The following DOCK1 variants were observed in gnomAD, a reference collection of about 807,000 sequenced individuals.
DOCK1 encodes the protein dedicator of cytokinesis protein 1.
DOCK1 carries 138 observed loss-of-function variants against 262.7 expected under a neutral mutation model. The ratio of observed to expected loss-of-function variants is 0.53; its 90% CI spans 0.46 to 0.61. The LOEUF (loss-of-function observed/expected upper bound fraction) is 0.61, where lower values mean the gene tolerates loss of function less well. DOCK1 is among the 20% of genes least tolerant of loss of function. The pLI is 0.00. For missense variants in DOCK1, 1,908 were observed against 2,370.7 expected (o/e 0.80, Z 4.05); for synonymous variants, 866 against 867.4 (o/e 1.00, Z 0.03).
chr10:127,069,678 C>G (rs987432641), intron 23 of DOCK1, among the ~76,000 whole-genome samples: 1 of 152,022 alleles, frequency 6.6e-6, no homozygotes, highest in Non-Finnish European at 1.5e-5. Context: ...TGGAGACAGA[C>G]TTGTTGAATT....
intron 47 of DOCK1, among the ~76,000 whole-genome samples, chr10:127,426,484 A>G (rs1016043535): frequency 6.6e-6 from 1 of 152,214 alleles, no homozygotes; most frequent in African/African-American, 2.4e-5. Flanking sequence ...GAAGTGACCA[A>G]CATCTGGAGT....
Position 127,086,238 on chromosome 10 carries a change from C to G in DOCK1, c.2446-19993C>G, listed in dbSNP as rs192886595. 5.9e-3 allele frequency among the ~76,000 whole-genome samples: 899 copies of G among 151,720 alleles called. 6 individuals are homozygous for G. The highest frequency in any genetic ancestry group is 8.7e-3 in the Non-Finnish European group (594 of 67,918). ...CTGGAAACCCCACCTCCCATCCCCC[C>G]ACCCCCGGTGCAGGAAGGGAACTTA... On this transcript the variant is annotated intron_variant, in intron 23 of 51. Coordinates refer to ENST00000623213, the MANE Select transcript of DOCK1 (RefSeq NM_001290223.2).
chr10:127,302,484 A>T (rs2061715298), intron 29 of DOCK1, among the ~76,000 whole-genome samples: 1 of 152,164 alleles, frequency 6.6e-6, no homozygotes, highest in African/African-American at 2.4e-5. Context: ...GTTGCTTTCC[A>T]TAGGTAAAGG....
intron 27 of DOCK1, among the ~76,000 whole-genome samples, chr10:127,154,762 A>G (rs537245774): frequency 6.6e-6 from 1 of 152,242 alleles, no homozygotes; most frequent in Admixed American, 6.5e-5. Flanking sequence ...TCTCCCCCCT[A>G]ATTAAAAAAT....
Position 127,000,325 on chromosome 10 carries a change from G to T in DOCK1, c.985+18G>T, listed in dbSNP as rs761976102. 4 of 1,611,404 alleles carry T rather than the reference G, an allele frequency of 2.5e-6. No individual in the cohort carries two copies. Among genetic ancestry groups the T allele is most frequent in the Non-Finnish European group, 3.4e-6 (4 of 1,178,466 alleles). On this transcript the variant is annotated intron_variant, in intron 10 of 51. Transcript: ENST00000623213. ...AGTGGCTGGTAATCTATTTCTCTGT[G>T]TTTCCTTGAGAGTTTCAGATCTTCA...
At chr10:127,268,634 G>T (rs1328446369) in intron 29 of DOCK1, among the ~76,000 whole-genome samples, 2 of 151,884 alleles carry the variant, frequency 1.3e-5, no homozygotes, top group East Asian at 1.9e-4. Flanking sequence ...CCAAACCAGC[G>T]CCCTCTAGAA....
intron 1 of DOCK1, among the ~76,000 whole-genome samples, chr10:126,948,659 G>A (rs1161749947): frequency 6.6e-6 from 1 of 151,960 alleles, no homozygotes; most frequent in East Asian, 1.9e-4. Flanking sequence ...CAGGTATGCT[G>A]AGCCAGAGGC....
In DOCK1 at chr10:127,343,117, C is replaced by T. The variant is rs183155998; in HGVS notation, c.3124-529C>T. 4.4e-3 allele frequency among the ~76,000 whole-genome samples: 676 copies of T among 152,224 alleles called. 1 individual carries two copies. Among genetic ancestry groups the T allele is most frequent in the South Asian group, 0.011 (53 of 4,814 alleles). On this transcript the variant is annotated intron_variant, in intron 30 of 51. Transcript: ENST00000623213. ...AAAATTATCCAGGCATGGTGGTGCA[C>T]ACCTGTAGTCCCAGCTACTCAGGAG...
chr10:127,214,411 G>A (rs1451322782), intron 27 of DOCK1, among the ~76,000 whole-genome samples: 1 of 152,126 alleles, frequency 6.6e-6, no homozygotes, highest in East Asian at 1.9e-4. Flanking sequence ...GCTTCCTTTT[G>A]CCGTTTATAG....
At chr10:127,173,696 T>C (rs1205152937) in intron 27 of DOCK1, among the ~76,000 whole-genome samples, 1 of 152,176 alleles carries the variant, frequency 6.6e-6, no homozygotes, top group African/African-American at 2.4e-5. Flanking sequence ...CTTTTAATTT[T>C]TTTGCAGGAA....
chr10:126,955,786 A>G (rs2036686125), intron 1 of DOCK1, among the ~76,000 whole-genome samples: 1 of 151,982 alleles, frequency 6.6e-6, no homozygotes. Flanking sequence ...TCAGTGGCTC[A>G]CTCTGTGAAG....
intron 1 of DOCK1, among the ~76,000 whole-genome samples, chr10:126,922,501 C>T (rs2033304079): frequency 6.6e-6 from 1 of 152,074 alleles, no homozygotes; most frequent in Admixed American, 6.6e-5. Context: ...GTCTCGGGAA[C>T]TCACTGAGTA....
rs531616927 is a variant in DOCK1 at position 127,175,494 on chromosome 10, G to A, written c.2847+47730G>A. On this transcript the variant is annotated intron_variant, in intron 27 of 51. Transcript: ENST00000623213. The surrounding 1 kb of genome is among the most constrained non-coding windows in gnomAD (Gnocchi z 6.3). ...GGGTGAGCAGGCCAGGGCAGTTTCCGAGGGCGCCTGGAGCCCGTTGAGATG... is the reference window on the plus strand; with the variant it reads ...GGGTGAGCAGGCCAGGGCAGTTTCCAAGGGCGCCTGGAGCCCGTTGAGATG... 77 of 1,608,734 alleles carry A rather than the reference G, an allele frequency of 4.8e-5. 1 individual carries two copies. In the African/African-American group the frequency reaches 6.9e-4, roughly 14 times the overall value.
At position 127,058,528 on chromosome 10, in the gene DOCK1, A is replaced by G. The variant is rs561024578; in HGVS notation, c.2337-3140A>G. 5.9e-5 allele frequency among the ~76,000 whole-genome samples: 9 copies of G among 152,056 alleles called. No individual in the cohort carries two copies. The South Asian group carries it at 8.3e-4, about 14-fold the overall frequency. On this transcript the variant is annotated intron_variant, in intron 22 of 51. Coordinates refer to ENST00000623213, the MANE Select transcript of DOCK1 (RefSeq NM_001290223.2). ...AGTGTAATTAAGTAATGTTAGATTT[A>G]TATATTATTTTTGCATTAATTTTCC...
chr10:127,032,624 A>G (rs1355149058), intron 18 of DOCK1, among the ~76,000 whole-genome samples: 2 of 148,942 alleles, frequency 1.3e-5, no homozygotes, highest in Admixed American at 6.6e-5. Flanking sequence ...TGTGATCTCA[A>G]CTCACTCCAG....
rs1224244732 is a variant in DOCK1, at chr10:127,354,736, C to G, written c.3283+9C>G. 6.2e-7 allele frequency: 1 copy of G among 1,613,734 alleles called. No homozygotes were observed. The highest frequency in any genetic ancestry group is 1.1e-5 in the South Asian group (1 of 91,070). ...CATGTGGTACAACCTTGGTGAGTAG[C>G]CTGGATGTGGGGGCATAGTGAATAT... is the stretch of plus-strand genomic sequence containing the variant. On this transcript the variant is annotated intron_variant, in intron 32 of 51. Transcript: ENST00000623213.
intron 27 of DOCK1, among the ~76,000 whole-genome samples, chr10:127,129,057 G>A (rs2050147183): frequency 6.6e-6 from 1 of 152,136 alleles, no homozygotes; most frequent in South Asian, 2.1e-4. Flanking sequence ...GGGAGGTGAT[G>A]TGCGTCTTCT....
At chr10:127,411,580 C>T (rs1429915188) in intron 43 of DOCK1, among the ~76,000 whole-genome samples, 3 of 152,184 alleles carry the variant, frequency 2.0e-5, no homozygotes, top group Admixed American at 6.5e-5. Context: ...GTGGCTCACA[C>T]CTGTAATCCC....
chr10:127,004,294 C>T (rs1374996480), intron 10 of DOCK1, among the ~76,000 whole-genome samples: 3 of 151,652 alleles, frequency 2.0e-5, no homozygotes, highest in East Asian at 1.9e-4. Context: ...AGGACCTGAT[C>T]GTTCTGCTTG....
Sources: allele counts gnomAD v4.1 joint callset (sites outside exome capture counted in the v4.1 genomes callset), GRCh38; gene constraint gnomAD v4.1.1; non-coding constraint Gnocchi (gnomAD v3.1); transcripts MANE v1.5; gene names NCBI Gene and HGNC (gene_info 2026-07-23, HGNC 2026-07-21).